The following ARHGAP25 variants were observed in gnomAD, a reference collection of about 807,000 sequenced individuals.
ARHGAP25 encodes Rho GTPase activating protein 25.
A neutral mutation model predicts 71.0 loss-of-function variants in ARHGAP25; 34 were observed. The ratio of observed to expected loss-of-function variants is 0.48; its 90% CI spans 0.36 to 0.64. ARHGAP25 has a LOEUF of 0.64. Ranked by LOEUF, ARHGAP25 falls within the 30% of genes least tolerant of loss-of-function variation. The probability of loss-of-function intolerance (pLI) is 0.00; values close to 1 mark genes in which losing one functional copy is unlikely to be tolerated. For synonymous variants in ARHGAP25, 282 were observed against 296.5 expected (o/e 0.95, Z 0.50); for missense variants, 706 against 805.1 (o/e 0.88, Z 1.49).
intron 1 of ARHGAP25, among the ~76,000 whole-genome samples, chr2:68,762,083 G>A (rs4462817): frequency 0.85 from 129,086 of 152,232 alleles, 54,971 homozygotes; most frequent in African/African-American, 0.9. Context: ...ATATGCTATA[G>A]CACCGATGAA....
rs796100406 is a variant in ARHGAP25, at chr2:68,815,443, C to CTTTTTT, written c.808-826_808-821dup. ...CACCGGCATGTGAATTGTGTACTCT[C>CTTTTTT]TTTTTTTTTTTTTTTTTTTTTTTTT... On this transcript the variant is annotated intron_variant, in intron 6 of 10. Coordinates refer to ENST00000409202, the MANE Select transcript of ARHGAP25 (RefSeq NM_001007231.3). 4.5e-3 allele frequency among the ~76,000 whole-genome samples: 279 copies of CTTTTTT among 62,334 alleles called. 20 individuals carry two copies. The highest frequency in any genetic ancestry group is 6.3e-3 in the East Asian group (12 of 1,912). The allele number at this position is 62,334 out of a possible 152,430, so 40.9% of individuals were successfully genotyped here.
At position 68,800,530 on chromosome 2, in the gene ARHGAP25, A is replaced by T. The variant is rs577088340; in HGVS notation, c.467-6743A>T. Among the ~76,000 whole-genome samples, 16 of 152,200 alleles carry T rather than the reference A, an allele frequency of 1.1e-4. No individual in the cohort carries two copies. The East Asian group carries it at 2.9e-3, about 28-fold the overall frequency. ...TCTGAGGACTGGAGACAAGGCGAAC[A>T]TGGTATGAGGGGAGGTGGGGCTGGC... On this transcript the variant is annotated intron_variant, in intron 4 of 10. Coordinates refer to ENST00000409202, the MANE Select transcript of ARHGAP25 (RefSeq NM_001007231.3).
At chr2:68,796,006 A>G (rs1020187817) in intron 4 of ARHGAP25, among the ~76,000 whole-genome samples, 7 of 152,150 alleles carry the variant, frequency 4.6e-5, no homozygotes, top group African/African-American at 1.7e-4. Context: ...CAAATGACTC[A>G]CTTTGTTCAT....
intron 1 of ARHGAP25, among the ~76,000 whole-genome samples, chr2:68,744,309 G>C (rs1371405980): frequency 6.6e-6 from 1 of 152,108 alleles, no homozygotes; most frequent in Non-Finnish European, 1.5e-5. Flanking sequence ...CCACCACCCA[G>C]CTTGTCCTGG....
At chr2:68,719,883 C>T (rs773837988) in intron 2 of ARHGAP25, among the ~76,000 whole-genome samples, 40 of 152,186 alleles carry the variant, frequency 2.6e-4, no homozygotes, top group Non-Finnish European at 2.8e-4. Context: ...CTCTTGGTAC[C>T]TGACTCATGC....
chr2:68,763,902 TA>T (rs1454683141), intron 1 of ARHGAP25, among the ~76,000 whole-genome samples: 2 of 152,226 alleles, frequency 1.3e-5, no homozygotes, highest in African/African-American at 2.4e-5. Context: ...TTATATGCCA[TA>T]AAATTCCTTC....
intron 2 of ARHGAP25, chr2:68,775,915 A>C: frequency 3.1e-6 from 1 of 321,036 alleles, no homozygotes; most frequent in South Asian, 2.5e-5. Context: ...AAATAAGAAA[A>C]GTATGTAGTT....
At chr2:68,734,776 AACAC>A (rs34581475), upstream of ARHGAP25, 7 of 177,534 alleles carry the variant, frequency 3.9e-5, no homozygotes, top group South Asian at 1.6e-4. Context: ...TTAAAAAAGA[AACAC>A]ACACACACAC....
At chr2:68,774,878 C>G in intron 1 of ARHGAP25, 2 of 1,307,182 alleles carry the variant, frequency 1.5e-6, no homozygotes, top group Non-Finnish European at 2.0e-6. Context: ...AAGGAAGCAC[C>G]TTTTGTCAGA....
chr2:68,721,972 C>T (rs1334709454), intron 2 of ARHGAP25, among the ~76,000 whole-genome samples: 1 of 152,222 alleles, frequency 6.6e-6, no homozygotes, highest in Non-Finnish European at 1.5e-5. Context: ...ACTTGCTGGG[C>T]CATGGGGCAG....
At chr2:68,808,387 A>G (rs1018546450) in intron 5 of ARHGAP25, among the ~76,000 whole-genome samples, 2 of 152,206 alleles carry the variant, frequency 1.3e-5, no homozygotes, top group Non-Finnish European at 2.9e-5. Context: ...CCTAAGTGTC[A>G]TCTTGTGTAG....
intron 2 of ARHGAP25, among the ~76,000 whole-genome samples, chr2:68,780,419 C>G (rs958022980): frequency 1.3e-5 from 2 of 152,158 alleles, no homozygotes; most frequent in Admixed American, 1.3e-4. Context: ...ATAACTCATC[C>G]AAAGTAGCTC....
At chr2:68,819,749 G>A (rs1260288072) in intron 9 of ARHGAP25, 2 of 456,462 alleles carry the variant, frequency 4.4e-6, no homozygotes, top group Admixed American at 7.5e-5. Flanking sequence ...AGTATGTGAT[G>A]TGTTTGTGTA....
chr2:68,741,460 T>A (rs1675518875), intron 1 of ARHGAP25, among the ~76,000 whole-genome samples: 2 of 152,228 alleles, frequency 1.3e-5, no homozygotes, highest in African/African-American at 4.8e-5. Context: ...AGAGCTAAAT[T>A]TGAAGCTGAG....
At position 68,822,887 on chromosome 2, in the gene ARHGAP25, G is replaced by A. The variant is rs1681814226; in HGVS notation, c.1733+15G>A. On this transcript the variant is annotated intron_variant, in intron 10 of 10. Coordinates refer to ENST00000409202, the MANE Select transcript of ARHGAP25 (RefSeq NM_001007231.3). Reference sequence around the variant, plus strand: ...CAGATTAAAAAGTAAGTCAGACAGAGGGGCACTGAGAGGCACTTGGCTTCC... The same window carrying A: ...CAGATTAAAAAGTAAGTCAGACAGAAGGGCACTGAGAGGCACTTGGCTTCC... 2 of 1,589,490 alleles carry A rather than the reference G, an allele frequency of 1.3e-6. No homozygotes were observed. The highest frequency in any genetic ancestry group is 1.7e-6 in the Non-Finnish European group (2 of 1,170,432).
chr2:68,773,322 G>C (rs188107411), intron 1 of ARHGAP25, among the ~76,000 whole-genome samples: 11 of 152,324 alleles, frequency 7.2e-5, no homozygotes, highest in Middle Eastern at 3.4e-3. Flanking sequence ...AGAAATAAGA[G>C]AATCAGAAAG....
chr2:68,816,130 CCCT>C, intron 6 of ARHGAP25, 156 bp from the exon 7 acceptor site: 1 of 599,066 alleles, frequency 1.7e-6, no homozygotes, highest in East Asian at 3.6e-5. Context: ...TGAGTTATTT[CCCT>C]TTTTTTTTTT....
At chr2:68,738,989 T>G (rs1056658745) in intron 1 of ARHGAP25, among the ~76,000 whole-genome samples, 2 of 152,206 alleles carry the variant, frequency 1.3e-5, no homozygotes, top group African/African-American at 4.8e-5. Context: ...GACTTAACAT[T>G]TAGGCATAAA....
intron 2 of ARHGAP25, chr2:68,710,823 A>G (rs1674463815): frequency 6.6e-6 from 1 of 152,214 alleles, no homozygotes; most frequent in Non-Finnish European, 1.5e-5. Flanking sequence ...ACTGAGAGTT[A>G]GCTAGGGGGC....
Sources: allele counts gnomAD v4.1 joint callset (sites outside exome capture counted in the v4.1 genomes callset), GRCh38; gene constraint gnomAD v4.1.1; transcripts MANE v1.5; gene names NCBI Gene and HGNC (gene_info 2026-07-23, HGNC 2026-07-21).